The following PCDHB1 variants were observed in gnomAD, a reference collection of about 807,000 sequenced individuals.
PCDHB1 encodes protocadherin beta-1.
In PCDHB1, 44 loss-of-function variants were observed where a neutral mutation model predicts 43.5. The ratio of observed to expected loss-of-function variants is 1.01; its 90% CI spans 0.79 to 1.30. The LOEUF (loss-of-function observed/expected upper bound fraction) is 1.30, where lower values mean the gene tolerates loss of function less well. PCDHB1 is among the 50% of genes most tolerant of loss of function. PCDHB1 has a pLI of 0.00. For synonymous variants in PCDHB1, 392 were observed against 400.8 expected (o/e 0.98, Z 0.26); for missense variants, 919 against 1,008.9 (o/e 0.91, Z 1.21).
Position 141,057,540 on chromosome 5 carries a change from C to CAAAAAAAAAAAAAAAAACAAAAAAAAA in PCDHB1, c.*3630_*3631insCAAAAAAAAAAAAAAAAAAAAAAAAAA, listed in dbSNP as rs1751157977. ...CTGGCGACAAAGCAAGACTCTGTCT[C>CAAAAAAAAAAAAAAAAACAAAAAAAAA]AAAAAAAAAAAAAAAAAAGAAAAAA... On this transcript the variant is annotated 3_prime_UTR_variant, in exon 1 of 1. Transcript: ENST00000306549. 1.4e-5 allele frequency: 1 copy of CAAAAAAAAAAAAAAAAACAAAAAAAAA among 72,358 alleles called. No homozygotes were observed. Among genetic ancestry groups the CAAAAAAAAAAAAAAAAACAAAAAAAAA allele is most frequent in the Non-Finnish European group, 2.8e-5 (1 of 35,636 alleles). The allele number at this position is 72,358 out of a possible 1,614,324, so 4.5% of individuals were successfully genotyped here.
rs1751052495 is a variant in PCDHB1, at chr5:141,053,562, C to T, written c.2092C>T (p.Leu698Phe). ...ATATTTGGTCATTTCTCTGGTCATC[C>T]TTTCCTTTCTCTTTCTCCTCTCTGT... ...TKYLVISLVILSFLFLLSVIV... is the reference protein window; with the variant it reads ...TKYLVISLVIFSFLFLLSVIV... The change falls in exon 1 of 1, where the codon CTT (leucine) becomes TTT (phenylalanine). Residue 698 changes from leucine to phenylalanine, a missense_variant. Transcript: ENST00000306549. 6.2e-7 allele frequency: 1 copy of T among 1,613,900 alleles called. No individual in the cohort carries two copies. The highest frequency in any genetic ancestry group is 1.7e-5 in the Admixed American group (1 of 60,002).
In PCDHB1 at chr5:141,056,188, T is replaced by A. The variant is rs1751130271; in HGVS notation, c.*2261T>A. Reference sequence around the variant, plus strand: ...ATTTTAAGGGTAGAGCATTATCTTTTAAAATACTTCTTAAATATACCAAAT... The same window carrying A: ...ATTTTAAGGGTAGAGCATTATCTTTAAAAATACTTCTTAAATATACCAAAT... On this transcript the variant is annotated 3_prime_UTR_variant, in exon 1 of 1. Coordinates refer to ENST00000306549, the MANE Select transcript of PCDHB1 (RefSeq NM_013340.4). 6.6e-6 allele frequency: 1 copy of A among 152,258 alleles called. No individual in the cohort carries two copies. Among genetic ancestry groups the A allele is most frequent in the Admixed American group, 6.5e-5 (1 of 15,286 alleles). The allele number at this position is 152,258 out of a possible 1,614,324, so 9.4% of individuals were successfully genotyped here. A position where few individuals can be genotyped will look rare whatever the true frequency, so the allele number is the denominator to read the frequency against.
Position 141,052,554 on chromosome 5 carries a change from C to A in PCDHB1, c.1084C>A (p.Pro362Thr). Residue 362 changes from proline (P) to threonine (T), a missense_variant, in exon 1 of 1, where the codon CCA becomes ACA. Physicochemically the swap from Pro to Thr is conservative, Grantham distance 38 (BLOSUM62 -1). Coordinates refer to ENST00000306549, the MANE Select transcript of PCDHB1 (RefSeq NM_013340.4). ...VSSPLPEDSP[P>T]QTVVALFTIR... ...CAGCCCACTCCCTGAAGACTCACCA[C>A]CACAGACAGTAGTAGCCCTTTTCAC... 1.2e-6 allele frequency: 2 copies of A among 1,614,186 alleles called. No homozygotes were observed.
Position 141,052,420 on chromosome 5 carries a change from T to C in PCDHB1, c.950T>C (p.Ile317Thr). Residue 317 changes from isoleucine (I) to threonine (T), a missense_variant, in exon 1 of 1, where the codon ATT (isoleucine) becomes ACT (threonine). Physicochemically the swap from Ile to Thr is moderately conservative, Grantham distance 89 (BLOSUM62 -1). Coordinates refer to ENST00000306549, the MANE Select transcript of PCDHB1 (RefSeq NM_013340.4). The part of the protein sequence containing the change: ...LDFEAIETYD[I>T]DIQATDGGGL... ...TTTGAAGCCATTGAAACATACGACA[T>C]TGACATTCAAGCTACAGATGGTGGA... 3.1e-6 allele frequency: 5 copies of C among 1,614,184 alleles called. No individual in the cohort carries two copies. Among genetic ancestry groups the C allele is most frequent in the Non-Finnish European group, 4.2e-6 (5 of 1,180,030 alleles).
chr5:141,058,568 T>C lies in PCDHB1; in HGVS notation c.*4641T>C, dbSNP rs797035385. On this transcript the variant is annotated 3_prime_UTR_variant, in exon 1 of 1. Transcript: ENST00000306549. ...GTATGTTAGCCATTTTTAAGTAATG[T>C]TAAGGTGATGTTAATTTTGATCGCT... The C allele has an allele frequency of 2.0e-5, 3 of 152,286 alleles. No homozygotes were observed. The highest frequency in any genetic ancestry group is 7.2e-5 in the African/African-American group (3 of 41,560). The allele number at this position is 152,286 out of a possible 1,614,324, so 9.4% of individuals were successfully genotyped here.
chr5:141,054,429 A>G lies in PCDHB1; in HGVS notation c.*502A>G, dbSNP rs1751078425. On this transcript the variant is annotated 3_prime_UTR_variant, in exon 1 of 1. Coordinates refer to ENST00000306549, the MANE Select transcript of PCDHB1 (RefSeq NM_013340.4). ...GTGATTAGGTTTGACAAGCAGAGAT[A>G]TAGTTTATTATTCAGGAATCTCTAA... The G allele has an allele frequency of 6.5e-6, 1 of 153,566 alleles. No homozygotes were observed. Among genetic ancestry groups the G allele is most frequent in the South Asian group, 2.0e-4 (1 of 4,928 alleles). The allele number at this position is 153,566 out of a possible 1,614,324, so 9.5% of individuals were successfully genotyped here.
In PCDHB1 at chr5:141,056,077, A is replaced by T. The variant is rs1185342865; in HGVS notation, c.*2150A>T. On this transcript the variant is annotated 3_prime_UTR_variant, in exon 1 of 1. Transcript: ENST00000306549. ...GAAACCTCATCTCAAAAAAAAAAAA[A>T]GTGTGCTTTAATGAGGCTTTAATTA... The T allele has an allele frequency of 6.6e-6, 1 of 151,602 alleles. No homozygotes were observed. The highest frequency in any genetic ancestry group is 1.5e-5 in the Non-Finnish European group (1 of 67,974). The allele number at this position is 151,602 out of a possible 1,614,324, so 9.4% of individuals were successfully genotyped here.
Position 141,052,766 on chromosome 5 carries a change from G to C in PCDHB1, c.1296G>C (p.Leu432Phe). 3.1e-6 allele frequency: 5 copies of C among 1,614,168 alleles called. No homozygotes were observed. Among genetic ancestry groups the C allele is most frequent in the Non-Finnish European group, 3.4e-6 (4 of 1,180,028 alleles). ...IVAMDTGPPS[L>F]SAETMIEVLI... Reference sequence around the variant, plus strand: ...CCATGGATACTGGACCACCTAGCTTGTCTGCCGAGACTATGATAGAGGTGC... The same window carrying C: ...CCATGGATACTGGACCACCTAGCTTCTCTGCCGAGACTATGATAGAGGTGC... Residue 432 changes from leucine to phenylalanine, a missense_variant, in exon 1 of 1, where the codon TTG (leucine) becomes TTC (phenylalanine). Physicochemically the swap from Leu to Phe is conservative, Grantham distance 22. Transcript: ENST00000306549.
Position 141,051,938 on chromosome 5 carries a change from C to A in PCDHB1, c.468C>A (p.Ser156Arg), listed in dbSNP as rs782305661. The A allele has an allele frequency of 6.2e-7, 1 of 1,614,192 alleles. No homozygotes were observed. Among genetic ancestry groups the A allele is most frequent in the East Asian group, 2.2e-5 (1 of 44,876 alleles). ...TPLGSRFPLQSAQDLDVGLNG... is the reference protein window; with the variant it reads ...TPLGSRFPLQRAQDLDVGLNG... ...TGGGTTCACGTTTTCCTCTGCAGAG[C>A]GCCCAGGATCTGGACGTGGGCCTTA... is the stretch of plus-strand genomic sequence containing the variant. The change falls in exon 1 of 1, where the codon AGC becomes AGA. Residue 156 changes from serine to arginine, a missense_variant. Coordinates refer to ENST00000306549, the MANE Select transcript of PCDHB1 (RefSeq NM_013340.4).
Position 141,051,379 on chromosome 5 carries a change from G to C in PCDHB1, c.-92G>C, listed in dbSNP as rs1750959421. On this transcript the variant is annotated 5_prime_UTR_variant, in exon 1 of 1. Coordinates refer to ENST00000306549, the MANE Select transcript of PCDHB1 (RefSeq NM_013340.4). ...GCTGCAGTTAGAGGCTAGTGAAGCG[G>C]AGAGCAGCTGTTGCAGTAACCTGTT... The C allele has an allele frequency of 8.7e-6, 12 of 1,384,372 alleles. 1 individual carries two copies. In the South Asian group the frequency reaches 1.6e-4, roughly 18 times the overall value. The allele number at this position is 1,384,372 out of a possible 1,614,324, so 85.8% of individuals were successfully genotyped here.
At position 141,055,631 on chromosome 5, in the gene PCDHB1, G is replaced by A. The variant is rs1751117585; in HGVS notation, c.*1704G>A. ...TACTAATTAAGTGGCATTAAGGAAA[G>A]ACACATTTTCAGGTAGTACTAGATT... is the stretch of plus-strand genomic sequence containing the variant. On this transcript the variant is annotated 3_prime_UTR_variant, in exon 1 of 1. Coordinates refer to ENST00000306549, the MANE Select transcript of PCDHB1 (RefSeq NM_013340.4). The A allele has an allele frequency of 1.3e-5, 2 of 152,170 alleles. No homozygotes were observed. Among genetic ancestry groups the A allele is most frequent in the South Asian group, 4.1e-4 (2 of 4,828 alleles). The allele number at this position is 152,170 out of a possible 1,614,324, so 9.4% of individuals were successfully genotyped here.
rs1482255746 is a variant in PCDHB1, at chr5:141,058,283, G to A, written c.*4356G>A. On this transcript the variant is annotated 3_prime_UTR_variant, in exon 1 of 1. Transcript: ENST00000306549. ...TGTGACAGTTCCTTACTCTTACCTT[G>A]TCTATCATGACTTGAGATTTTTGAA... 6.6e-6 allele frequency: 1 copy of A among 151,986 alleles called. No individual in the cohort carries two copies. The highest frequency in any genetic ancestry group is 1.9e-4 in the East Asian group (1 of 5,188). The allele number at this position is 151,986 out of a possible 1,614,324, so 9.4% of individuals were successfully genotyped here. A position where few individuals can be genotyped will look rare whatever the true frequency, so the allele number is the denominator to read the frequency against.
In PCDHB1 at chr5:141,051,616, C is replaced by G. The variant is rs782804447; in HGVS notation, c.146C>G (p.Ala49Gly). 2 of 1,614,220 alleles carry G rather than the reference C, an allele frequency of 1.2e-6. No individual in the cohort carries two copies. Among genetic ancestry groups the G allele is most frequent in the East Asian group, 2.2e-5 (1 of 44,880 alleles). ...MESGSFVANV[A>G]KDLGLEVGKL... The stretch of plus-strand genomic sequence containing the variant: ...AGCGGCTCGTTTGTGGCCAACGTAG[C>G]TAAGGACCTAGGACTGGAGGTAGGG... Residue 49 changes from alanine (A) to glycine (G), a missense_variant, in exon 1 of 1, where the codon GCT becomes GGT. Physicochemically the swap from Ala to Gly is moderately conservative, Grantham distance 60. Transcript: ENST00000306549.
At position 141,054,692 on chromosome 5, in the gene PCDHB1, T is replaced by TG. The variant is rs1563795895; in HGVS notation, c.*765_*766insG. 20 of 137,964 alleles carry TG rather than the reference T, an allele frequency of 1.4e-4. No individual in the cohort carries two copies. Among genetic ancestry groups the TG allele is most frequent in the African/African-American group, 5.7e-4 (20 of 35,182 alleles). The allele number at this position is 137,964 out of a possible 1,614,324, so 8.5% of individuals were successfully genotyped here. On this transcript the variant is annotated 3_prime_UTR_variant, in exon 1 of 1. Transcript: ENST00000306549. The stretch of plus-strand genomic sequence containing the variant: ...TTAAATTAGATGTAGTTGTTTTTTT[T>TG]TTTTTTTTTTTTTTTTTTGAGACGG...
chr5:141,051,476 G>A lies in PCDHB1; in HGVS notation c.6G>A (p.Ala2=), dbSNP rs1750962601. The A allele has an allele frequency of 1.2e-6, 2 of 1,613,656 alleles. No homozygotes were observed. The highest frequency in any genetic ancestry group is 1.7e-5 in the Admixed American group (1 of 60,004). ...GAGCGCGCTTGTGAGAACTGATGGC[G>A]GGTACGCGCAGAAAATCTTTGCAAA... M[A]GTRRKSLQNR... is the part of the protein sequence containing the mutation. Residue 2 remains alanine (A), a synonymous_variant, in exon 1 of 1, where the codon GCG becomes GCA. Transcript: ENST00000306549.
Position 141,052,802 on chromosome 5 carries a change from C to T in PCDHB1, c.1332C>T (p.Asp444=). The T allele has an allele frequency of 4.3e-6, 7 of 1,614,094 alleles. No homozygotes were observed. Among genetic ancestry groups the T allele is most frequent in the Non-Finnish European group, 5.9e-6 (7 of 1,180,028 alleles). ...CTATGATAGAGGTGCTAATATCCGA[C>T]GTTAATGACAATCCTCCAATATTTC... is the stretch of plus-strand genomic sequence containing the variant. ...AETMIEVLIS[D]VNDNPPIFRE... is the part of the protein sequence containing the mutation. The change falls in exon 1 of 1, where the codon GAC becomes GAT. Residue 444 remains aspartate, a synonymous_variant. Coordinates refer to ENST00000306549, the MANE Select transcript of PCDHB1 (RefSeq NM_013340.4).
chr5:141,051,853 A>G lies in PCDHB1; in HGVS notation c.383A>G (p.Asp128Gly), dbSNP rs1208090075. Residue 128 changes from aspartate to glycine, a missense_variant, in exon 1 of 1, where the codon GAC becomes GGC. Asp to Gly is a moderately conservative substitution (Grantham distance 94). Coordinates refer to ENST00000306549, the MANE Select transcript of PCDHB1 (RefSeq NM_013340.4). ...GAGGTCAGGGTATTTGATATCAATG[A>G]CAATGCCCCAGTTTTCCTAAACAAG... ...RAEVRVFDIN[D>G]NAPVFLNKEP... 9 of 1,614,072 alleles carry G rather than the reference A, an allele frequency of 5.6e-6. No individual in the cohort carries two copies. Among genetic ancestry groups the G allele is most frequent in the African/African-American group, 4.0e-5 (3 of 74,936 alleles).
Position 141,055,855 on chromosome 5 carries a change from A to T in PCDHB1, c.*1928A>T, listed in dbSNP as rs567182943. ...AAAATAAGCCAATGTTAAAACATTA[A>T]CATATTTCAGGGATTCTCCCAACAC... On this transcript the variant is annotated 3_prime_UTR_variant, in exon 1 of 1. Coordinates refer to ENST00000306549, the MANE Select transcript of PCDHB1 (RefSeq NM_013340.4). The T allele has an allele frequency of 6.6e-6, 1 of 152,354 alleles. No homozygotes were observed. The highest frequency in any genetic ancestry group is 6.5e-5 in the Admixed American group (1 of 15,304). The allele number at this position is 152,354 out of a possible 1,614,324, so 9.4% of individuals were successfully genotyped here.
chr5:141,058,361 T>C lies in PCDHB1; in HGVS notation c.*4434T>C, dbSNP rs1751175212. On this transcript the variant is annotated 3_prime_UTR_variant, in exon 1 of 1. Coordinates refer to ENST00000306549, the MANE Select transcript of PCDHB1 (RefSeq NM_013340.4). Reference sequence around the variant, plus strand: ...CCCCTCAGTTTGGGATTCTTTGTTTTCTCATTATTAAACTGAGGTAATGCA... The same window carrying C: ...CCCCTCAGTTTGGGATTCTTTGTTTCCTCATTATTAAACTGAGGTAATGCA... 6.6e-6 allele frequency: 1 copy of C among 152,214 alleles called. No individual in the cohort carries two copies. Among genetic ancestry groups the C allele is most frequent in the South Asian group, 2.1e-4 (1 of 4,830 alleles). The allele number at this position is 152,214 out of a possible 1,614,324, so 9.4% of individuals were successfully genotyped here.
Sources: gnomAD v4.1 joint callset for allele counts on GRCh38, gnomAD v4.1.1 for gene constraint, MANE v1.5 for transcripts, NCBI Gene and HGNC (gene_info 2026-07-23, HGNC 2026-07-21) for gene names.